PIEZO2: variants seen among roughly 807,000 people sequenced by gnomAD.
The protein encoded by PIEZO2 is piezo-type mechanosensitive ion channel component 2.
In PIEZO2, 172 loss-of-function variants were observed where a neutral mutation model predicts 337.3. The observed-to-expected ratio is 0.51, with a 90% CI of 0.45 to 0.58. The LOEUF (loss-of-function observed/expected upper bound fraction) is 0.58. Among genes scored for constraint, PIEZO2 ranks in the 20% least tolerant of loss-of-function variants. The pLI is 0.00. For missense variants in PIEZO2, 3,028 were observed against 3,391.3 expected (o/e 0.89, Z 2.66); for synonymous variants, 1,251 against 1,228.5 (o/e 1.02, Z -0.38).
chr18:10,876,636 G>T (rs184362122), intron 4 of PIEZO2, among the ~76,000 whole-genome samples: 4 of 152,332 alleles, frequency 2.6e-5, no homozygotes, highest in African/African-American at 7.2e-5. Context: ...AGCTGGATGA[G>T]AATTAGAAAT....
rs1465267320 is a variant in PIEZO2, at chr18:10,762,644, G to A, written c.3124-19C>T. 2.6e-6 allele frequency: 4 copies of A among 1,529,122 alleles called. No homozygotes were observed. The highest frequency in any genetic ancestry group is 2.0e-5 in the Admixed American group (1 of 48,902). 94.7% of individuals were successfully genotyped at this position (1,529,122 alleles called of 1,614,324 possible). A position where few individuals can be genotyped will look rare whatever the true frequency, so the allele number is the denominator to read the frequency against. On this transcript the variant is annotated intron_variant, in intron 22 of 55. Coordinates refer to ENST00000674853, the MANE Select transcript of PIEZO2 (RefSeq NM_001378183.1). Reference sequence around the variant, plus strand: ...CATTTGGCTAAAAAGAAGAGAAAATGGAGTAAAAAAAAATAGCTCCACAGA... The same window carrying A: ...CATTTGGCTAAAAAGAAGAGAAAATAGAGTAAAAAAAAATAGCTCCACAGA...
At chr18:10,760,710 G>A (rs1305810170) in intron 24 of PIEZO2, among the ~76,000 whole-genome samples, 1 of 152,234 alleles carries the variant, frequency 6.6e-6, no homozygotes, top group Non-Finnish European at 1.5e-5. Context: ...CACTGCTGTG[G>A]AGGGGGGTGT....
intron 3 of PIEZO2, among the ~76,000 whole-genome samples, chr18:10,935,486 T>C (rs1466719738): frequency 2.0e-5 from 3 of 152,166 alleles, no homozygotes; most frequent in Non-Finnish European, 2.9e-5. Context: ...CAACTCTCCA[T>C]TGTTTGAGAA....
chr18:11,090,538 T>C (rs565091106), intron 1 of PIEZO2, among the ~76,000 whole-genome samples: 8 of 152,178 alleles, frequency 5.3e-5, no homozygotes, highest in African/African-American at 1.9e-4. Context: ...TGGTCGGTAG[T>C]GGGGAGGGCA....
intron 45 of PIEZO2, among the ~76,000 whole-genome samples, chr18:10,696,815 G>A (rs1349392620): frequency 6.6e-6 from 1 of 152,194 alleles, no homozygotes; most frequent in Non-Finnish European, 1.5e-5. Flanking sequence ...ATGGTATGAT[G>A]CCCTGGGAAC....
At chr18:10,714,380 A>G (rs1452237116) in intron 39 of PIEZO2, among the ~76,000 whole-genome samples, 1 of 152,224 alleles carries the variant, frequency 6.6e-6, no homozygotes, top group African/African-American at 2.4e-5. Flanking sequence ...GATCAAGGAT[A>G]GCAACAGAAG....
In PIEZO2 at chr18:10,697,724, T is replaced by C. The variant is rs559211141; in HGVS notation, c.6827+24A>G. 2.0e-5 allele frequency: 32 copies of C among 1,610,772 alleles called. No homozygotes were observed. The East Asian group carries it at 6.5e-4, about 33-fold the overall frequency. On this transcript the variant is annotated intron_variant, in intron 45 of 55. Coordinates refer to ENST00000674853, the MANE Select transcript of PIEZO2 (RefSeq NM_001378183.1). ...CCAAAACCCTACAATAAAGCACACA[T>C]GCCATATGTTCTCATGGACTCACTT...
In PIEZO2 at chr18:10,783,845, C is replaced by T. The variant is rs117457205; in HGVS notation, c.2492+939G>A. On this transcript the variant is annotated intron_variant, in intron 17 of 55. Coordinates refer to ENST00000674853, the MANE Select transcript of PIEZO2 (RefSeq NM_001378183.1). The surrounding 1 kb of genome is among the most constrained non-coding windows in gnomAD (Gnocchi z 4.3). ...ATAAATGTTTTGGGTCTATCCATAA[C>T]TCTAGTTCCTACACAGCAGAACGCT... Among the ~76,000 whole-genome samples the T allele has an allele frequency of 3.1e-3, 474 of 152,324 alleles. No individual in the cohort carries two copies. The highest frequency in any genetic ancestry group is 5.1e-3 in the Non-Finnish European group (345 of 68,022).
intron 7 of PIEZO2, among the ~76,000 whole-genome samples, chr18:10,809,311 G>A (rs1341208816): frequency 4.4e-5 from 5 of 113,038 alleles, no homozygotes; most frequent in Non-Finnish European, 4.9e-5. Context: ...TCACTCCGTC[G>A]CCAGGCTGGA....
chr18:10,981,227 A>T (rs1269163583), intron 2 of PIEZO2, among the ~76,000 whole-genome samples: 3 of 152,036 alleles, frequency 2.0e-5, no homozygotes, highest in Admixed American at 1.3e-4. Context: ...AATTTTTTTT[A>T]AAGTGTTATG....
intron 3 of PIEZO2, among the ~76,000 whole-genome samples, chr18:10,961,486 C>A (rs1365247214): frequency 2.0e-5 from 3 of 152,048 alleles, no homozygotes; most frequent in Non-Finnish European, 2.9e-5. Context: ...ATGGGTGAAC[C>A]AAAATCTCAC....
At position 10,740,926 on chromosome 18, in the gene PIEZO2, G is replaced by A. The variant is rs992971997; in HGVS notation, c.4708+105C>T. ...CTCCGACCCCCTATCAAGTCACAAG[G>A]ATCAAACCATGCATGGAACACATGG... On this transcript the variant is annotated intron_variant, in intron 33 of 55. Coordinates refer to ENST00000674853, the MANE Select transcript of PIEZO2 (RefSeq NM_001378183.1). 5.0e-6 allele frequency: 6 copies of A among 1,197,646 alleles called. No individual in the cohort carries two copies. In the African/African-American group the frequency reaches 7.6e-5, roughly 15 times the overall value. The allele number at this position is 1,197,646 out of a possible 1,614,324, so 74.2% of individuals were successfully genotyped here.
intron 2 of PIEZO2, among the ~76,000 whole-genome samples, chr18:11,056,825 A>G (rs372180078): frequency 6.6e-6 from 1 of 152,100 alleles, no homozygotes; most frequent in East Asian, 1.9e-4. Context: ...GCTCCTACCC[A>G]CAAACCTAGG....
intron 13 of PIEZO2, among the ~76,000 whole-genome samples, chr18:10,793,313 G>A (rs1002516234): frequency 6.6e-6 from 1 of 152,090 alleles, no homozygotes; most frequent in Non-Finnish European, 1.5e-5. Flanking sequence ...TTATAAGCCT[G>A]GAGATGTATT....
chr18:11,024,490 G>T (rs9961587), intron 2 of PIEZO2, among the ~76,000 whole-genome samples: 2,647 of 145,736 alleles, frequency 0.018, 68 homozygotes, highest in African/African-American at 0.062. Flanking sequence ...AGCTTGCAGT[G>T]AGCCGAGATC....
At position 11,030,948 on chromosome 18, in the gene PIEZO2, C is replaced by G. The variant is rs73396595; in HGVS notation, c.160+35179G>C. Among the ~76,000 whole-genome samples, 531 of 152,248 alleles carry G rather than the reference C, an allele frequency of 3.5e-3. 5 individuals carry two copies. Among genetic ancestry groups the G allele is most frequent in the African/African-American group, 0.012 (494 of 41,532 alleles). On this transcript the variant is annotated intron_variant, in intron 2 of 55. Coordinates refer to ENST00000674853, the MANE Select transcript of PIEZO2 (RefSeq NM_001378183.1). ...AGATTAGCAAGATTTGCAAAGCAATCTCGAGTAGTCCACTTCAATGCAATG... is the reference window on the plus strand; with the variant it reads ...AGATTAGCAAGATTTGCAAAGCAATGTCGAGTAGTCCACTTCAATGCAATG...
At chr18:10,779,431 A>C (rs1183670705) in intron 18 of PIEZO2, among the ~76,000 whole-genome samples, 3 of 152,252 alleles carry the variant, frequency 2.0e-5, no homozygotes, top group African/African-American at 7.2e-5. Context: ...ATCCCAAAGG[A>C]TAACTCTGGA....
In PIEZO2 at chr18:10,942,414, A is replaced by G. The variant is rs1050619469; in HGVS notation, c.287-31186T>C. On this transcript the variant is annotated intron_variant, in intron 3 of 55. Transcript: ENST00000674853. The surrounding 1 kb of genome is among the most constrained non-coding windows in gnomAD (Gnocchi z 4.4). ...GCTGAGGTGGTCTCAGATGTAGATG[A>G]GGAACTTGTTGGGAAATGGAGCAAA... Among the ~76,000 whole-genome samples, 1 of 152,198 alleles carries G rather than the reference A, an allele frequency of 6.6e-6. No individual in the cohort carries two copies. The highest frequency in any genetic ancestry group is 2.4e-5 in the African/African-American group (1 of 41,462).
rs901748752 is a variant in PIEZO2 at position 11,102,731 on chromosome 18, C to A, written c.65-36509G>T. On this transcript the variant is annotated intron_variant, in intron 1 of 55. Coordinates refer to ENST00000674853, the MANE Select transcript of PIEZO2 (RefSeq NM_001378183.1). The surrounding 1 kb of genome is among the most constrained non-coding windows in gnomAD (Gnocchi z 5.7). The stretch of plus-strand genomic sequence containing the variant: ...GACTGATTCCCCTCTGCCCATGATT[C>A]TCCTATGGCCCACACCCTGCAGCCT... 3.9e-5 allele frequency among the ~76,000 whole-genome samples: 6 copies of A among 152,294 alleles called. No individual in the cohort carries two copies. In the East Asian group the frequency reaches 1.2e-3, roughly 29 times the overall value.
Sources: allele counts gnomAD v4.1 joint callset (sites outside exome capture counted in the v4.1 genomes callset), GRCh38; gene constraint gnomAD v4.1.1; non-coding constraint Gnocchi (gnomAD v3.1); transcripts MANE v1.5; gene names NCBI Gene and HGNC (gene_info 2026-07-23, HGNC 2026-07-21).